Variants in RAD51B observed in about 807,000 individuals in gnomAD.
RAD51B encodes the protein RAD51 paralog B.
A neutral mutation model predicts 42.2 loss-of-function variants in RAD51B; 38 were observed. The observed-to-expected ratio is 0.90, with a 90% CI of 0.70 to 1.18. The LOEUF is 1.18. Ranked by LOEUF, RAD51B falls within the 50% of genes most tolerant of loss-of-function variation. The probability of loss-of-function intolerance (pLI) is 0.00; values close to 1 mark genes in which losing one functional copy is unlikely to be tolerated. For missense variants in RAD51B, 373 were observed against 400.7 expected (o/e 0.93, Z 0.59); for synonymous variants, 154 against 145.2 (o/e 1.06, Z -0.43).
rs891145188 is a variant in RAD51B, at chr14:68,432,260, A to G, written c.957+20733A>G. Among the ~76,000 whole-genome samples the G allele has an allele frequency of 4.1e-4, 62 of 152,348 alleles. 4 individuals are homozygous for G. The highest frequency in any genetic ancestry group is 1.4e-3 in the African/African-American group (60 of 41,584). On this transcript the variant is annotated intron_variant, in intron 9 of 10. Coordinates refer to ENST00000471583, the MANE Select transcript of RAD51B (RefSeq NM_133510.4). ...GGGGTGGAGAGTTCTATAGATGTCT[A>G]TTAGGTCCACTTGGTGCAGAGCTGA... is the stretch of plus-strand genomic sequence containing the variant.
intron 5 of RAD51B, among the ~76,000 whole-genome samples, chr14:67,868,142 A>T (rs1290768030): frequency 6.6e-6 from 1 of 152,170 alleles, no homozygotes; most frequent in Non-Finnish European, 1.5e-5. Context: ...GACGCAGAAG[A>T]TGGGTGATTT....
chr14:68,397,537 C>G lies in RAD51B; in HGVS notation c.854-13887C>G, dbSNP rs1301895963. On this transcript the variant is annotated intron_variant, in intron 8 of 10. Coordinates refer to ENST00000471583, the MANE Select transcript of RAD51B (RefSeq NM_133510.4). Reference sequence around the variant, plus strand: ...CATCTCCATTGCCTAAGCCCCACACCCTGGTAAACTGCACACTGTTTGGAC... The same window carrying G: ...CATCTCCATTGCCTAAGCCCCACACGCTGGTAAACTGCACACTGTTTGGAC... 3.3e-5 allele frequency among the ~76,000 whole-genome samples: 5 copies of G among 152,186 alleles called. No individual in the cohort carries two copies. In the East Asian group the frequency reaches 9.6e-4, roughly 29 times the overall value.
intron 9 of RAD51B, among the ~76,000 whole-genome samples, chr14:68,427,488 G>A (rs2084881522): frequency 6.6e-6 from 1 of 152,214 alleles, no homozygotes; most frequent in Non-Finnish European, 1.5e-5. Flanking sequence ...GGTTATTCTG[G>A]AGCCTTATTT....
At chr14:68,390,394 C>T (rs1042501080) in intron 8 of RAD51B, among the ~76,000 whole-genome samples, 1 of 152,264 alleles carries the variant, frequency 6.6e-6, no homozygotes, top group African/African-American at 2.4e-5. Flanking sequence ...TCATCCTTAC[C>T]CATTTAGGAT....
intron 8 of RAD51B, among the ~76,000 whole-genome samples, chr14:68,365,035 G>A (rs1479211765): frequency 6.6e-6 from 1 of 152,120 alleles, no homozygotes; most frequent in East Asian, 1.9e-4. Context: ...GGTTAGCGTG[G>A]CAGGAATGTA....
At chr14:68,183,765 T>C (rs560831977) in intron 7 of RAD51B, among the ~76,000 whole-genome samples, 3 of 151,892 alleles carry the variant, frequency 2.0e-5, no homozygotes, top group South Asian at 4.2e-4. Flanking sequence ...CTGCGCAATA[T>C]AGTGAGACCC....
chr14:68,303,962 G>C (rs998217264), intron 8 of RAD51B, among the ~76,000 whole-genome samples: 2 of 152,154 alleles, frequency 1.3e-5, no homozygotes, highest in Non-Finnish European at 2.9e-5. Context: ...TTGAGGCCAG[G>C]AGTTCAAGAC....
intron 10 of RAD51B, among the ~76,000 whole-genome samples, chr14:68,546,384 C>T (rs1344192553): frequency 4.6e-5 from 7 of 152,056 alleles, no homozygotes; most frequent in Non-Finnish European, 8.8e-5. Context: ...CTGGTGATAT[C>T]GTTGACTGAG....
At chr14:68,047,873 T>A (rs776503638) in intron 7 of RAD51B, among the ~76,000 whole-genome samples, 102 of 152,254 alleles carry the variant, frequency 6.7e-4, no homozygotes, top group Non-Finnish European at 1.4e-3. Context: ...TTTTTTAGGT[T>A]TTATTTTGGA....
At chr14:68,291,537 G>A (rs1176179355) in intron 7 of RAD51B, among the ~76,000 whole-genome samples, 2 of 152,212 alleles carry the variant, frequency 1.3e-5, no homozygotes, top group Non-Finnish European at 2.9e-5. Flanking sequence ...GATAAAATGT[G>A]TACATGTGCA....
intron 7 of RAD51B, among the ~76,000 whole-genome samples, chr14:68,176,361 CTGTACT>C (rs1345684062): frequency 6.6e-6 from 1 of 152,166 alleles, no homozygotes; most frequent in Non-Finnish European, 1.5e-5. Flanking sequence ...ATTCCAAAAC[CTGTACT>C]CTTAATCAGT....
intron 7 of RAD51B, among the ~76,000 whole-genome samples, chr14:68,197,599 T>C (rs180933572): frequency 1.3e-5 from 2 of 152,288 alleles, no homozygotes; most frequent in Admixed American, 1.3e-4. Flanking sequence ...ATACAAATTT[T>C]CCATTACCAA....
rs1455723215 is a variant in RAD51B, at chr14:68,635,045, TTTCCTTATC to T, written c.1037-15722_1037-15714del. Reference sequence around the variant, plus strand: ...AGCCTCCGGTGACAGGGCCATATGGTTTCCTTATCTTCCTTATCTTCCAGCACTCACCTT... The same window carrying T: ...AGCCTCCGGTGACAGGGCCATATGGTTTCCTTATCTTCCAGCACTCACCTT... On this transcript the variant is annotated intron_variant, in intron 10 of 11. Transcript: ENST00000488612. 5.9e-5 allele frequency among the ~76,000 whole-genome samples: 9 copies of T among 152,226 alleles called. No individual in the cohort carries two copies. In the East Asian group the frequency reaches 1.2e-3, roughly 20 times the overall value.
chr14:67,924,808 C>A (rs1346623996), intron 7 of RAD51B, among the ~76,000 whole-genome samples: 2 of 152,180 alleles, frequency 1.3e-5, no homozygotes, highest in Non-Finnish European at 2.9e-5. Context: ...CATTTCAAAA[C>A]CAATCATGCC....
intron 7 of RAD51B, among the ~76,000 whole-genome samples, chr14:68,119,763 T>A (rs1032902214): frequency 2.0e-5 from 3 of 151,220 alleles, no homozygotes; most frequent in South Asian, 2.1e-4. Flanking sequence ...ATTGTGAATA[T>A]TGCCGCAATA....
At chr14:68,480,490 A>G (rs1323972068), downstream of RAD51B, among the ~76,000 whole-genome samples, 1 of 152,104 alleles carries the variant, frequency 6.6e-6, no homozygotes, top group South Asian at 2.1e-4. Context: ...TGACTGAGAC[A>G]CCCCACTCAT....
intron 9 of RAD51B, among the ~76,000 whole-genome samples, chr14:68,432,372 T>A (rs144438235): frequency 1.3e-3 from 199 of 152,302 alleles, no homozygotes; most frequent in African/African-American, 4.5e-3. Context: ...CCCATTATTA[T>A]TGTGTGGGCG....
chr14:68,291,463 A>G (rs149891414), intron 7 of RAD51B, among the ~76,000 whole-genome samples: 2 of 152,032 alleles, frequency 1.3e-5, no homozygotes, highest in Non-Finnish European at 2.9e-5. Flanking sequence ...CAGCCTCCCA[A>G]AGTGCTGGGA....
At chr14:68,042,493 A>C (rs993693548) in intron 7 of RAD51B, among the ~76,000 whole-genome samples, 2 of 152,234 alleles carry the variant, frequency 1.3e-5, no homozygotes, top group African/African-American at 4.8e-5. Flanking sequence ...TTTATAAGCC[A>C]AATGTAGACA....
Sources: allele counts gnomAD v4.1 joint callset (sites outside exome capture counted in the v4.1 genomes callset), GRCh38; gene constraint gnomAD v4.1.1; transcripts MANE v1.5; gene names NCBI Gene and HGNC (gene_info 2026-07-23, HGNC 2026-07-21).